Variants in TERF2IP observed in about 807,000 individuals in gnomAD.
TERF2IP encodes the protein telomeric repeat-binding factor 2-interacting protein 1.
A neutral mutation model predicts 33.3 loss-of-function variants in TERF2IP; 35 were observed. The observed-to-expected ratio is 1.05, with a 90% CI of 0.80 to 1.39. The LOEUF (loss-of-function observed/expected upper bound fraction) is 1.39. Among genes scored for constraint, TERF2IP ranks in the 40% most tolerant of loss-of-function variants. The pLI is 0.00. For synonymous variants in TERF2IP, 253 were observed against 223.2 expected (o/e 1.13, Z -1.19); for missense variants, 583 against 524.8 (o/e 1.11, Z -1.08).
In TERF2IP at chr16:75,648,351, T is replaced by G; in HGVS notation, c.469T>G (p.Ser157Ala). 1 of 1,596,260 alleles carries G rather than the reference T, an allele frequency of 6.3e-7. No individual in the cohort carries two copies. The highest frequency in any genetic ancestry group is 8.5e-7 in the Non-Finnish European group (1 of 1,171,926). Reference sequence around the variant, plus strand: ...GAAGGAAAATGCCCGCTCGCCCAGCTCCGTCACCGGTAACGCCTTGTGGAA... The same window carrying G: ...GAAGGAAAATGCCCGCTCGCCCAGCGCCGTCACCGGTAACGCCTTGTGGAA... ...YVKENARSPS[S>A]VTGNALWKAM... The change falls in exon 1 of 3, where the codon TCC becomes GCC. Residue 157 changes from serine to alanine, a missense_variant. Transcript: ENST00000300086.
chr16:75,653,827 A>G (rs1597188151), intron 1 of TERF2IP, among the ~76,000 whole-genome samples: 1 of 152,062 alleles, frequency 6.6e-6, no homozygotes, highest in Non-Finnish European at 1.5e-5. Flanking sequence ...ACTCTTTGAT[A>G]AGTCAGCTTC....
At chr16:75,653,983 A>G (rs762452725) in intron 1 of TERF2IP, among the ~76,000 whole-genome samples, 13 of 152,184 alleles carry the variant, frequency 8.5e-5, no homozygotes, top group Non-Finnish European at 1.6e-4. Flanking sequence ...CTGTAACTAC[A>G]AAGCAAAAAA....
chr16:75,657,251 C>G lies in TERF2IP; in HGVS notation c.*640C>G, dbSNP rs577191710. ...CGGATGTCTTTCTTTACCTACCCCT[C>G]AGTTTTCCTTAAAACGCGCACACAA... On this transcript the variant is annotated 3_prime_UTR_variant, in exon 3 of 3. Transcript: ENST00000300086. The G allele has an allele frequency of 6.6e-6, 1 of 152,364 alleles. No individual in the cohort carries two copies. Among genetic ancestry groups the G allele is most frequent in the East Asian group, 1.9e-4 (1 of 5,186 alleles). 9.4% of individuals were successfully genotyped at this position (152,364 alleles called of 1,614,324 possible). A position where few individuals can be genotyped will look rare whatever the true frequency, so the allele number is the denominator to read the frequency against.
At position 75,648,032 on chromosome 16, in the gene TERF2IP, C is replaced by T; in HGVS notation, c.150C>T (p.Gly50=). ...RRLSTLILHG[G]GTVCRVQEPG... ...TGTCGACGCTCATCCTGCACGGCGG[C>T]GGCACCGTGTGCCGAGTGCAGGAGC... The change falls in exon 1 of 3, where the codon GGC becomes GGT. Residue 50 remains glycine, a synonymous_variant. Coordinates refer to ENST00000300086, the MANE Select transcript of TERF2IP (RefSeq NM_018975.4). 6.2e-7 allele frequency: 1 copy of T among 1,610,836 alleles called. No homozygotes were observed. Among genetic ancestry groups the T allele is most frequent in the Non-Finnish European group, 8.5e-7 (1 of 1,178,884 alleles).
intron 1 of TERF2IP, 127 bp downstream of exon 1, chr16:75,648,679 C>G: frequency 7.0e-7 from 1 of 1,433,916 alleles, no homozygotes; most frequent in Non-Finnish European, 9.1e-7. Context: ...CTGTTGACAT[C>G]CGGGTAAATT....
At chr16:75,656,130 TAGTTGGA>T in intron 2 of TERF2IP, 70 bp from the exon 3 acceptor site, 1 of 1,406,184 alleles carries the variant, frequency 7.1e-7, no homozygotes, top group Non-Finnish European at 9.7e-7. Flanking sequence ...AAGGGGGTGA[TAGTTGGA>T]AGAGACCAGA....
Position 75,654,473 on chromosome 16 carries a change from T to C in TERF2IP, c.795+76T>C. 5.4e-6 allele frequency: 8 copies of C among 1,471,654 alleles called. No individual in the cohort carries two copies. The South Asian group carries it at 7.7e-5, about 14-fold the overall frequency. The allele number at this position is 1,471,654 out of a possible 1,614,324, so 91.2% of individuals were successfully genotyped here. ...TTGAAACTGGTTATCCTGTACACCT[T>C]TTTCATCTACCTGGGGCTCAGGAAA... On this transcript the variant is annotated intron_variant, in intron 2 of 2. Coordinates refer to ENST00000300086, the MANE Select transcript of TERF2IP (RefSeq NM_018975.4).
chr16:75,656,840 G>C lies in TERF2IP; in HGVS notation c.*229G>C. The C allele has an allele frequency of 1.9e-6, 1 of 520,166 alleles. No homozygotes were observed. Among genetic ancestry groups the C allele is most frequent in the Non-Finnish European group, 3.4e-6 (1 of 295,316 alleles). The allele number at this position is 520,166 out of a possible 1,614,324, so 32.2% of individuals were successfully genotyped here. ...CAGCTGTCCTTGAACAAGTATCAAT[G>C]TGTTTATGAAAGGAAGATCTAAATC... On this transcript the variant is annotated 3_prime_UTR_variant, in exon 3 of 3. Coordinates refer to ENST00000300086, the MANE Select transcript of TERF2IP (RefSeq NM_018975.4).
intron 1 of TERF2IP, among the ~76,000 whole-genome samples, chr16:75,652,033 G>C (rs551254822): frequency 2.0e-5 from 3 of 152,272 alleles, no homozygotes; most frequent in Admixed American, 6.5e-5. Context: ...GGGGCATTTT[G>C]ACAATATCTG....
intron 1 of TERF2IP, among the ~76,000 whole-genome samples, chr16:75,653,990 A>C (rs930487488): frequency 6.6e-6 from 1 of 152,172 alleles, no homozygotes; most frequent in Admixed American, 6.5e-5. Context: ...TACAAAGCAA[A>C]AAATGAATTA....
In TERF2IP at chr16:75,648,228, G is replaced by A; in HGVS notation, c.346G>A (p.Gly116Arg). Residue 116 changes from glycine to arginine, a missense_variant, in exon 1 of 3, where the codon GGG becomes AGG. Coordinates refer to ENST00000300086, the MANE Select transcript of TERF2IP (RefSeq NM_018975.4). ...AADTGSEAKP[G>R]ALAEGAAEPE... ...GGACACCGGCTCGGAAGCAAAGCCC[G>A]GGGCCCTGGCCGAGGGCGCCGCGGA... The A allele has an allele frequency of 6.5e-7, 1 of 1,544,814 alleles. No homozygotes were observed. The highest frequency in any genetic ancestry group is 8.7e-7 in the Non-Finnish European group (1 of 1,145,566).
chr16:75,656,729 G>A lies in TERF2IP; in HGVS notation c.*118G>A, dbSNP rs183658113. 218 of 952,540 alleles carry A rather than the reference G, an allele frequency of 2.3e-4. No homozygotes were observed. The highest frequency in any genetic ancestry group is 2.0e-3 in the African/African-American group (121 of 60,282). The allele number at this position is 952,540 out of a possible 1,614,324, so 59.0% of individuals were successfully genotyped here. A position where few individuals can be genotyped will look rare whatever the true frequency, so the allele number is the denominator to read the frequency against. On this transcript the variant is annotated 3_prime_UTR_variant, in exon 3 of 3. Coordinates refer to ENST00000300086, the MANE Select transcript of TERF2IP (RefSeq NM_018975.4). ...AACTGGCACTTATTTTCTGACCATC[G>A]CTGCTGTTGCTCTGTGAGTCCTAGA...
Position 75,648,249 on chromosome 16 carries a change from G to C in TERF2IP, c.367G>C (p.Ala123Pro). 6.5e-7 allele frequency: 1 copy of C among 1,545,936 alleles called. No homozygotes were observed. Among genetic ancestry groups the C allele is most frequent in the Non-Finnish European group, 8.7e-7 (1 of 1,145,090 alleles). Residue 123 changes from alanine to proline, a missense_variant, in exon 1 of 3, where the codon GCG becomes CCG. Ala to Pro is a conservative substitution (Grantham distance 27). Transcript: ENST00000300086. ...GCCCGGGGCCCTGGCCGAGGGCGCC[G>C]CGGAGCCGGAGCCGCAGCGGCACGC... ...AKPGALAEGA[A>P]EPEPQRHAGR...
In TERF2IP at chr16:75,657,182, T is replaced by C. The variant is rs1055800278; in HGVS notation, c.*571T>C. On this transcript the variant is annotated 3_prime_UTR_variant, in exon 3 of 3. Coordinates refer to ENST00000300086, the MANE Select transcript of TERF2IP (RefSeq NM_018975.4). Reference sequence around the variant, plus strand: ...CTAACTTAGTATTTGGGTACCCTGCTCTTTGGCTGTTCTTTTTTTGGAGCC... The same window carrying C: ...CTAACTTAGTATTTGGGTACCCTGCCCTTTGGCTGTTCTTTTTTTGGAGCC... 2.0e-5 allele frequency: 3 copies of C among 152,292 alleles called. No homozygotes were observed. Among genetic ancestry groups the C allele is most frequent in the Non-Finnish European group, 4.4e-5 (3 of 68,100 alleles). 9.4% of individuals were successfully genotyped at this position (152,292 alleles called of 1,614,324 possible). A position where few individuals can be genotyped will look rare whatever the true frequency, so the allele number is the denominator to read the frequency against.
At chr16:75,648,845 C>T (rs746736890) in intron 1 of TERF2IP, among the ~76,000 whole-genome samples, 1 of 152,044 alleles carries the variant, frequency 6.6e-6, no homozygotes, top group African/African-American at 2.4e-5. Context: ...TGAGCCACCA[C>T]GTCTGGCCTC....
Position 75,647,967 on chromosome 16 carries a change from A to C in TERF2IP, c.85A>C (p.Met29Leu), listed in dbSNP as rs201151665. The C allele has an allele frequency of 6.2e-7, 1 of 1,613,766 alleles. No homozygotes were observed. The highest frequency in any genetic ancestry group is 8.5e-7 in the Non-Finnish European group (1 of 1,179,868). Residue 29 changes from methionine (M) to leucine (L), a missense_variant, in exon 1 of 3, where the codon ATG becomes CTG. Physicochemically the swap from Met to Leu is conservative, Grantham distance 15 (BLOSUM62 2). Coordinates refer to ENST00000300086, the MANE Select transcript of TERF2IP (RefSeq NM_018975.4). ...TLFVRDDGSSMSFYVRPSPAK... is the reference protein window; with the variant it reads ...TLFVRDDGSSLSFYVRPSPAK... ...GTTCGTGAGGGACGACGGCAGCTCCATGTCCTTCTACGTGCGGCCCAGCCC... is the reference window on the plus strand; with the variant it reads ...GTTCGTGAGGGACGACGGCAGCTCCCTGTCCTTCTACGTGCGGCCCAGCCC...
chr16:75,648,196 C>A lies in TERF2IP; in HGVS notation c.314C>A (p.Ser105Ter). ...GAGGCCTATCGGCTGGGCCCCGCCT[C>A]GGCGGCGGACACCGGCTCGGAAGCA... The part of the protein sequence containing the change: ...ELEAYRLGPA[S>*]AADTGSEAKP... The change falls in exon 1 of 3, where the codon TCG becomes TAG. Residue 105 changes from serine (S) to a stop codon, truncating the protein, a stop_gained. Coordinates refer to ENST00000300086, the MANE Select transcript of TERF2IP (RefSeq NM_018975.4). LOFTEE classifies it high-confidence loss of function. 1 of 1,550,058 alleles carries A rather than the reference C, an allele frequency of 6.5e-7. No individual in the cohort carries two copies. The highest frequency in any genetic ancestry group is 8.7e-7 in the Non-Finnish European group (1 of 1,149,582).
chr16:75,656,776 G>A lies in TERF2IP; in HGVS notation c.*165G>A, dbSNP rs2082390401. 3.1e-6 allele frequency: 2 copies of A among 635,698 alleles called. No homozygotes were observed. Among genetic ancestry groups the A allele is most frequent in the African/African-American group, 1.8e-5 (1 of 54,498 alleles). The allele number at this position is 635,698 out of a possible 1,614,324, so 39.4% of individuals were successfully genotyped here. A position where few individuals can be genotyped will look rare whatever the true frequency, so the allele number is the denominator to read the frequency against. On this transcript the variant is annotated 3_prime_UTR_variant, in exon 3 of 3. Coordinates refer to ENST00000300086, the MANE Select transcript of TERF2IP (RefSeq NM_018975.4). Reference sequence around the variant, plus strand: ...TAGATTTTTGTAGCCAAGCAGAGTTGTAGAGGGGGATAAAAAGAAAAGAAA... The same window carrying A: ...TAGATTTTTGTAGCCAAGCAGAGTTATAGAGGGGGATAAAAAGAAAAGAAA...
At chr16:75,648,757 G>C in intron 1 of TERF2IP, 1 of 1,390,846 alleles carries the variant, frequency 7.2e-7, no homozygotes, top group Admixed American at 2.9e-5. Context: ...ATGGGTCTCT[G>C]TTACCTAAGC....
Sources: gnomAD v4.1 joint callset for allele counts (sites outside exome capture counted in the v4.1 genomes callset) on GRCh38, gnomAD v4.1.1 for gene constraint, MANE v1.5 for transcripts, NCBI Gene and HGNC (gene_info 2026-07-23, HGNC 2026-07-21) for gene names.